Variants in PTPRR observed in about 807,000 individuals in gnomAD.
PTPRR encodes the protein receptor-type tyrosine-protein phosphatase R.
Under a neutral mutation model 77.2 loss-of-function variants are expected in PTPRR, and 38 were observed. The observed-to-expected ratio is 0.49, with a 90% confidence interval of 0.38 to 0.65. PTPRR has a LOEUF of 0.65. Among genes scored for constraint, PTPRR ranks in the 30% least tolerant of loss-of-function variants. PTPRR has a pLI of 0.00. For missense variants in PTPRR, 744 were observed against 799.2 expected (o/e 0.93, Z 0.83); for synonymous variants, 299 against 283.1 (o/e 1.06, Z -0.57).
Position 70,709,091 on chromosome 12 carries a change from C to T in PTPRR, c.1008-7768G>A, listed in dbSNP as rs531809549. Among the ~76,000 whole-genome samples, 11 of 152,072 alleles carry T rather than the reference C, an allele frequency of 7.2e-5. No individual in the cohort carries two copies. In the South Asian group the frequency reaches 8.3e-4, roughly 11 times the overall value. ...TAATCCTCAATAAAATACTGGCAAA[C>T]GAAATCCAGCAGCACATCAAAAAGC... On this transcript the variant is annotated intron_variant, in intron 6 of 13. Coordinates refer to ENST00000283228, the MANE Select transcript of PTPRR (RefSeq NM_002849.4).
chr12:70,770,734 A>G lies in PTPRR; in HGVS notation c.358-5956T>C, dbSNP rs181333154. 2.7e-3 allele frequency among the ~76,000 whole-genome samples: 415 copies of G among 152,304 alleles called. 1 individual carries two copies. The highest frequency in any genetic ancestry group is 4.5e-3 in the Non-Finnish European group (303 of 68,040). On this transcript the variant is annotated intron_variant, in intron 2 of 13. Coordinates refer to ENST00000283228, the MANE Select transcript of PTPRR (RefSeq NM_002849.4). ...GGTTTATTGCGGCACAATTCACAATAGCAAAGACTTGGAACCACCCAAATG... is the reference window on the plus strand; with the variant it reads ...GGTTTATTGCGGCACAATTCACAATGGCAAAGACTTGGAACCACCCAAATG...
At chr12:70,899,274 A>G (rs982605244) in intron 1 of PTPRR, among the ~76,000 whole-genome samples, 1 of 151,468 alleles carries the variant, frequency 6.6e-6, no homozygotes, top group South Asian at 2.1e-4. Context: ...CTAAAAAAAA[A>G]CACTATAGAC....
chr12:70,672,326 G>T (rs1045692505), intron 10 of PTPRR: 2 of 1,553,958 alleles, frequency 1.3e-6, no homozygotes, highest in African/African-American at 2.7e-5. Context: ...CAGCAAGTTT[G>T]CCAACTCCAT....
At chr12:70,700,299 C>T (rs1888372932) in intron 7 of PTPRR, among the ~76,000 whole-genome samples, 2 of 152,160 alleles carry the variant, frequency 1.3e-5, no homozygotes, top group South Asian at 4.1e-4. Context: ...AGTCAATATT[C>T]TCCTTGGGCA....
rs1183065348 is a variant in PTPRR, at chr12:70,768,815, T to C, written c.358-4037A>G. Among the ~76,000 whole-genome samples the C allele has an allele frequency of 2.6e-5, 4 of 151,698 alleles. No individual in the cohort carries two copies. In the South Asian group the frequency reaches 8.3e-4, roughly 32 times the overall value. Reference sequence around the variant, plus strand: ...ACATCAAAAAGCTTATCCACCATGATCAAGTGGGCTTCATCCCTGGGATGC... The same window carrying C: ...ACATCAAAAAGCTTATCCACCATGACCAAGTGGGCTTCATCCCTGGGATGC... On this transcript the variant is annotated intron_variant, in intron 2 of 13. Coordinates refer to ENST00000283228, the MANE Select transcript of PTPRR (RefSeq NM_002849.4).
At chr12:70,719,873 G>A (rs572279403) in intron 6 of PTPRR, among the ~76,000 whole-genome samples, 32 of 152,296 alleles carry the variant, frequency 2.1e-4, no homozygotes, top group African/African-American at 7.7e-4. Context: ...ATCTTACAAT[G>A]GCAACAAGTG....
At chr12:70,906,275 T>C (rs1893620588) in intron 1 of PTPRR, among the ~76,000 whole-genome samples, 1 of 151,968 alleles carries the variant, frequency 6.6e-6, no homozygotes, top group Non-Finnish European at 1.5e-5. Context: ...AGATTAGAAA[T>C]ATATTTCAGT....
chr12:70,820,043 G>A (rs1179381980), intron 2 of PTPRR, among the ~76,000 whole-genome samples: 1 of 152,144 alleles, frequency 6.6e-6, no homozygotes, highest in East Asian at 1.9e-4. Flanking sequence ...TTAGAAATAG[G>A]TTGAAATAAT....
chr12:70,678,371 T>C (rs1054629818), intron 10 of PTPRR, among the ~76,000 whole-genome samples: 1 of 152,168 alleles, frequency 6.6e-6, no homozygotes, highest in African/African-American at 2.4e-5. Context: ...TTTAATTTCC[T>C]CACTCATTAG....
At position 70,901,801 on chromosome 12, in the gene PTPRR, G is replaced by T. The variant is rs139661103; in HGVS notation, c.59-8824C>A. ...TATTAATTAATTTAATTAAGCTTTT[G>T]CATGGCAAAAGAATAGCAGAGTAAA... On this transcript the variant is annotated intron_variant, in intron 1 of 13. Coordinates refer to ENST00000283228, the MANE Select transcript of PTPRR (RefSeq NM_002849.4). Among the ~76,000 whole-genome samples the T allele has an allele frequency of 2.6e-4, 39 of 151,792 alleles. No homozygotes were observed. The East Asian group carries it at 7.4e-3, about 29-fold the overall frequency.
At chr12:70,830,306 T>C (rs1026677928) in intron 2 of PTPRR, among the ~76,000 whole-genome samples, 2 of 152,160 alleles carry the variant, frequency 1.3e-5, no homozygotes, top group Admixed American at 1.3e-4. Context: ...TATTTCTCAC[T>C]CACGCACTCC....
intron 2 of PTPRR, among the ~76,000 whole-genome samples, chr12:70,866,717 G>A (rs1281250936): frequency 6.6e-6 from 1 of 152,180 alleles, no homozygotes; most frequent in Non-Finnish European, 1.5e-5. Context: ...ATGCCTGGCA[G>A]AGACACAACC....
At chr12:70,644,544 T>C (rs1046545132) in intron 13 of PTPRR, among the ~76,000 whole-genome samples, 4 of 152,208 alleles carry the variant, frequency 2.6e-5, no homozygotes, top group African/African-American at 9.6e-5. Flanking sequence ...CTGCAAATGA[T>C]GCGACAATAA....
Position 70,639,986 on chromosome 12 carries a change from A to AG in PTPRR, c.1881-710dup, listed in dbSNP as rs752235718. On this transcript the variant is annotated intron_variant, in intron 13 of 13. Transcript: ENST00000283228. ...GTGGGTCCTTAAATGAGTTGGAAAA[A>AG]GGGAATTGGCTCTGCTGTGACATTT... is the stretch of plus-strand genomic sequence containing the variant. Among the ~76,000 whole-genome samples, 30 of 152,284 alleles carry AG rather than the reference A, an allele frequency of 2.0e-4. No individual in the cohort carries two copies. The South Asian group carries it at 6.0e-3, about 30-fold the overall frequency.
chr12:70,760,024 A>C (rs1890657420), intron 4 of PTPRR, among the ~76,000 whole-genome samples: 1 of 152,192 alleles, frequency 6.6e-6, no homozygotes, highest in Non-Finnish European at 1.5e-5. Flanking sequence ...AGAGAGGCGC[A>C]AAACCAAATG....
chr12:70,737,813 A>G (rs1225633957), intron 6 of PTPRR, among the ~76,000 whole-genome samples: 2 of 152,154 alleles, frequency 1.3e-5, no homozygotes, highest in Non-Finnish European at 2.9e-5. Flanking sequence ...GTGAGCCACC[A>G]TTTGCAGCCA....
chr12:70,857,268 T>C (rs758755153), intron 2 of PTPRR, among the ~76,000 whole-genome samples: 1 of 152,008 alleles, frequency 6.6e-6, no homozygotes, highest in Non-Finnish European at 1.5e-5. Context: ...AGAGTAGTAG[T>C]AGGAAAGGCC....
At chr12:70,780,059 T>C (rs1164375079) in intron 2 of PTPRR, among the ~76,000 whole-genome samples, 2 of 152,136 alleles carry the variant, frequency 1.3e-5, no homozygotes, top group African/African-American at 4.8e-5. Context: ...TGGTGCAATC[T>C]TGGCTCACTG....
intron 2 of PTPRR, among the ~76,000 whole-genome samples, chr12:70,829,011 G>A (rs188739802): frequency 1.4e-3 from 207 of 152,206 alleles, no homozygotes; most frequent in Non-Finnish European, 2.4e-3. Context: ...CAAGGATCTT[G>A]TACTCTAAAC....
Sources: gnomAD v4.1 joint callset for allele counts (sites outside exome capture counted in the v4.1 genomes callset) on GRCh38, gnomAD v4.1.1 for gene constraint, MANE v1.5 for transcripts, NCBI Gene and HGNC (gene_info 2026-07-23, HGNC 2026-07-21) for gene names.